HERC5: variants seen among roughly 807,000 people sequenced by gnomAD.
HERC5 encodes the protein HECT and RLD domain containing E3 ubiquitin protein ligase 5.
A neutral mutation model predicts 119.6 loss-of-function variants in HERC5; 99 were observed. That is an observed-to-expected ratio of 0.83 (90% CI 0.70 to 0.98). The LOEUF is 0.98. Ranked by LOEUF, HERC5 falls within the 50% of genes least tolerant of loss-of-function variation. The probability of loss-of-function intolerance (pLI) is 0.00; values close to 1 mark genes in which losing one functional copy is unlikely to be tolerated. For missense variants in HERC5, 1,267 were observed against 1,241.3 expected (o/e 1.02, Z -0.31); for synonymous variants, 478 against 445.9 (o/e 1.07, Z -0.91).
intron 17 of HERC5, among the ~76,000 whole-genome samples, 170 bp downstream of exon 17, chr4:88,493,325 C>T (rs371733825): frequency 6.6e-6 from 1 of 152,148 alleles, no homozygotes; most frequent in East Asian, 1.9e-4. Context: ...AATGGAGTTT[C>T]CTTTTCCTGG....
At chr4:88,461,087 C>A (rs1336693445) in intron 3 of HERC5, among the ~76,000 whole-genome samples, 1 of 152,112 alleles carries the variant, frequency 6.6e-6, no homozygotes, top group Non-Finnish European at 1.5e-5. Context: ...ATATATAGGA[C>A]AGATGTAAAC....
At position 88,486,136 on chromosome 4, in the gene HERC5, C is replaced by T; in HGVS notation, c.1759C>T (p.Leu587=). 6.2e-7 allele frequency: 1 copy of T among 1,609,296 alleles called. No individual in the cohort carries two copies. The highest frequency in any genetic ancestry group is 8.5e-7 in the Non-Finnish European group (1 of 1,177,128). Residue 587 remains leucine (L), a synonymous_variant, in exon 14 of 23, where the codon CTA becomes TTA. Transcript: ENST00000264350. ...TAAGGTAAACCAGGTGAAATGTCAA[C>T]TACCTGAAAGTATTTTCCAAGTAGA... The part of the protein sequence containing the change: ...LHRVNQVKCQ[L]PESIFQVDEL...
At position 88,467,069 on chromosome 4, in the gene HERC5, C is replaced by T. The variant is rs1166708355; in HGVS notation, c.922C>T (p.Leu308Phe). ...TQIACGRWHT[L>F]AYVSDLGKVF... ...GCTTTTATTTAATAGGTGGCACACA[C>T]TTGCCTATGTTTCTGATTTGGGAAA... Residue 308 changes from leucine to phenylalanine, a missense_variant, in exon 7 of 23, where the codon CTT (leucine) becomes TTT (phenylalanine). Around this residue, in one of 3 missense-constraint regions of HERC5, gnomAD observed 777 missense variants for 758.0 expected, o/e 1.03. Coordinates refer to ENST00000264350, the MANE Select transcript of HERC5 (RefSeq NM_016323.4). The T allele has an allele frequency of 2.5e-6, 4 of 1,613,918 alleles. No homozygotes were observed. Among genetic ancestry groups the T allele is most frequent in the East Asian group, 2.2e-5 (1 of 44,882 alleles).
intron 16 of HERC5, 23 bp downstream of exon 16, chr4:88,489,359 T>C: frequency 6.4e-7 from 1 of 1,567,464 alleles, no homozygotes; most frequent in Non-Finnish European, 8.6e-7. Context: ...TCTCACTTAA[T>C]GTTTTTGCTG....
rs145203134 is a variant in HERC5, at chr4:88,505,064, A to AT, written c.2869+468dup. On this transcript the variant is annotated intron_variant, in intron 22 of 22. Transcript: ENST00000264350. ...TTATCTTCTATTTTTATTTTTGTGGATAACATGTATGTTAGAAGATATTCA... is the reference window on the plus strand; with the variant it reads ...TTATCTTCTATTTTTATTTTTGTGGATTAACATGTATGTTAGAAGATATTCA... Among the ~76,000 whole-genome samples, 981 of 152,046 alleles carry AT rather than the reference A, an allele frequency of 6.5e-3. 11 individuals are homozygous for AT. The highest frequency in any genetic ancestry group is 0.023 in the African/African-American group (935 of 41,434).
At position 88,505,823 on chromosome 4, in the gene HERC5, A is replaced by G. The variant is rs776688113; in HGVS notation, c.3020A>G (p.Glu1007Gly). ...VLFLPKYSTMETVEEALQEAI... is the reference protein window; with the variant it reads ...VLFLPKYSTMGTVEEALQEAI... ...TTCCTCCCTAAATATTCTACAATGG[A>G]AACAGTTGAAGAAGCGCTTCAAGAA... Residue 1007 changes from glutamate (E) to glycine (G), a missense_variant, in exon 23 of 23, where the codon GAA (glutamate) becomes GGA (glycine). Glu to Gly is a moderately conservative substitution (Grantham distance 98). Coordinates refer to ENST00000264350, the MANE Select transcript of HERC5 (RefSeq NM_016323.4). 2 of 1,613,678 alleles carry G rather than the reference A, an allele frequency of 1.2e-6. No homozygotes were observed. Among genetic ancestry groups the G allele is most frequent in the South Asian group, 1.1e-5 (1 of 91,042 alleles).
intron 6 of HERC5, among the ~76,000 whole-genome samples, chr4:88,465,751 T>C (rs1190320361): frequency 1.3e-5 from 2 of 152,210 alleles, no homozygotes; most frequent in Non-Finnish European, 2.9e-5. Flanking sequence ...AAAGCTATTA[T>C]GCTCATAGTC....
chr4:88,492,892 A>T (rs1271407871), intron 16 of HERC5, 120 bp from the exon 17 acceptor site: 7 of 836,394 alleles, frequency 8.4e-6, no homozygotes, highest in Admixed American at 7.1e-5. Context: ...TACTTACCTC[A>T]GTGCCTTCCA....
intron 11 of HERC5, among the ~76,000 whole-genome samples, chr4:88,474,861 A>G (rs1741003061): frequency 1.3e-5 from 2 of 152,238 alleles, no homozygotes; most frequent in Non-Finnish European, 2.9e-5. Flanking sequence ...ACAATAATTG[A>G]CAAGTAATAA....
chr4:88,492,876 G>A (rs1357366768), intron 16 of HERC5, 136 bp from the exon 17 acceptor site: 19 of 663,626 alleles, frequency 2.9e-5, no homozygotes, highest in Non-Finnish European at 4.4e-5. Context: ...GATAATATAA[G>A]TAGGATACTT....
intron 20 of HERC5, among the ~76,000 whole-genome samples, chr4:88,503,590 C>G (rs946473274): frequency 6.6e-6 from 1 of 152,086 alleles, no homozygotes; most frequent in African/African-American, 2.4e-5. Context: ...GTATATGACT[C>G]GGTTGTCATT....
At chr4:88,477,945 C>G (rs958436919) in intron 12 of HERC5, among the ~76,000 whole-genome samples, 1 of 147,836 alleles carries the variant, frequency 6.8e-6, no homozygotes, top group Admixed American at 6.6e-5. Flanking sequence ...TGTGCATTCA[C>G]GAACGATTTT....
In HERC5 at chr4:88,463,914, A is replaced by G; in HGVS notation, c.840A>G (p.Thr280=). The G allele has an allele frequency of 6.2e-7, 1 of 1,613,970 alleles. No individual in the cohort carries two copies. Among genetic ancestry groups the G allele is most frequent in the East Asian group, 2.2e-5 (1 of 44,872 alleles). ...GKHGQLGHNS[T]QNELRPCLVA... ...ATGGGCAACTTGGTCATAATTCAACACAGAATGAGCTAAGACCCTGTTTGG... is the reference window on the plus strand; with the variant it reads ...ATGGGCAACTTGGTCATAATTCAACGCAGAATGAGCTAAGACCCTGTTTGG... Residue 280 remains threonine (T), a synonymous_variant, in exon 6 of 23, where the codon ACA becomes ACG. Transcript: ENST00000264350.
chr4:88,469,966 G>A (rs574529278), intron 9 of HERC5, among the ~76,000 whole-genome samples: 3 of 152,188 alleles, frequency 2.0e-5, no homozygotes, highest in Non-Finnish European at 4.4e-5. Context: ...ATTTGATCCT[G>A]GAACCATTAG....
chr4:88,478,602 T>A, intron 12 of HERC5, among the ~76,000 whole-genome samples: 1 of 152,162 alleles, frequency 6.6e-6, no homozygotes, highest in Admixed American at 6.5e-5. Context: ...GTTAGCTGTC[T>A]TTGCTTTAAA....
intron 15 of HERC5, among the ~76,000 whole-genome samples, chr4:88,488,766 A>G (rs1336920862): frequency 6.6e-6 from 1 of 151,972 alleles, no homozygotes; most frequent in East Asian, 1.9e-4. Context: ...CTTTCTAAAC[A>G]TCTGAACTTC....
intron 20 of HERC5, among the ~76,000 whole-genome samples, chr4:88,502,164 T>C (rs1268289858): frequency 2.6e-5 from 4 of 152,228 alleles, no homozygotes; most frequent in Non-Finnish European, 5.9e-5. Flanking sequence ...AATGCTCTTG[T>C]GAACATTCTT....
chr4:88,457,585 T>G, intron 1 of HERC5, 51 bp downstream of exon 1: 2 of 1,230,264 alleles, frequency 1.6e-6, no homozygotes, highest in Non-Finnish European at 2.0e-6. Flanking sequence ...GGGTGAGGGC[T>G]GAGGGCTGTG....
chr4:88,465,410 A>G (rs1006047326), intron 6 of HERC5, among the ~76,000 whole-genome samples: 4 of 152,230 alleles, frequency 2.6e-5, no homozygotes, highest in African/African-American at 9.6e-5. Context: ...CATTCTTATA[A>G]AAAACTAGCA....
Sources: allele counts gnomAD v4.1 joint callset (sites outside exome capture counted in the v4.1 genomes callset), GRCh38; gene constraint gnomAD v4.1.1; regional missense constraint gnomAD v4.1.1; transcripts MANE v1.5; gene names NCBI Gene and HGNC (gene_info 2026-07-23, HGNC 2026-07-21).